The following SSMEM1 variants were observed in gnomAD, a reference collection of about 807,000 sequenced individuals.
SSMEM1 encodes serine-rich single-pass membrane protein 1.
In SSMEM1, 12 loss-of-function variants were observed where a neutral mutation model predicts 9.9. The ratio of observed to expected loss-of-function variants is 1.21; its 90% CI spans 0.78 to 1.96. The LOEUF is 1.96. Ranked by LOEUF, SSMEM1 falls within the 30% of genes most tolerant of loss-of-function variation. SSMEM1 has a pLI of 0.00. For synonymous variants in SSMEM1, 96 were observed against 98.9 expected (o/e 0.97, Z 0.17); for missense variants, 259 against 292.2 (o/e 0.89, Z 0.83).
upstream of SSMEM1, among the ~76,000 whole-genome samples, chr7:130,206,149 C>CTTTG (rs1205432146): frequency 1.3e-5 from 2 of 152,202 alleles, no homozygotes; most frequent in Non-Finnish European, 2.9e-5. Context: ...AAAGGTTGAG[C>CTTTG]TTTGTTTTAT....
At chr7:130,208,156 A>C in intron 1 of SSMEM1, 63 bp downstream of exon 1, 1 of 1,447,048 alleles carries the variant, frequency 6.9e-7, no homozygotes, top group Non-Finnish European at 9.3e-7. Context: ...ATTTCCATAA[A>C]ATACATTTAC....
At position 130,216,594 on chromosome 7, in the gene SSMEM1, T is replaced by C; in HGVS notation, c.*124T>C. ...GTCTCTCTACCAACAAACAAAAACA[T>C]ACTTGGAACCCAAGAGGTAAAATCT... On this transcript the variant is annotated 3_prime_UTR_variant, in exon 3 of 3. Transcript: ENST00000297819. The C allele has an allele frequency of 8.2e-7, 1 of 1,216,586 alleles. No homozygotes were observed. The highest frequency in any genetic ancestry group is 1.1e-6 in the Non-Finnish European group (1 of 878,850). 75.4% of individuals were successfully genotyped at this position (1,216,586 alleles called of 1,614,324 possible). A position where few individuals can be genotyped will look rare whatever the true frequency, so the allele number is the denominator to read the frequency against.
chr7:130,214,934 A>G (rs1030325893), intron 2 of SSMEM1, among the ~76,000 whole-genome samples: 1 of 152,270 alleles, frequency 6.6e-6, no homozygotes, highest in African/African-American at 2.4e-5. Context: ...TACTTCCACC[A>G]AAGCTGATTT....
At chr7:130,207,206 C>T (rs1277532997), upstream of SSMEM1, among the ~76,000 whole-genome samples, 1 of 152,160 alleles carries the variant, frequency 6.6e-6, no homozygotes, top group Non-Finnish European at 1.5e-5. Context: ...GCTGCCATAA[C>T]GCAATATCAC....
chr7:130,211,000 T>G (rs1798580558), intron 1 of SSMEM1, among the ~76,000 whole-genome samples: 1 of 152,224 alleles, frequency 6.6e-6, no homozygotes. Context: ...TATGTAGAAA[T>G]AACCAACTAC....
At chr7:130,213,699 A>C (rs1230152171) in intron 2 of SSMEM1, among the ~76,000 whole-genome samples, 165 bp downstream of exon 2, 35 of 147,958 alleles carry the variant, frequency 2.4e-4, no homozygotes, top group African/African-American at 8.6e-4. Flanking sequence ...TACCAAAAAA[A>C]AAAAAAAAAA....
At chr7:130,212,755 AC>A (rs1211161036) in intron 1 of SSMEM1, among the ~76,000 whole-genome samples, 6 of 151,800 alleles carry the variant, frequency 4.0e-5, no homozygotes, top group East Asian at 3.9e-4. Flanking sequence ...AAACAAAAAA[AC>A]AAAACAAAAA....
At chr7:130,212,468 G>T (rs371754418) in intron 1 of SSMEM1, among the ~76,000 whole-genome samples, 1 of 152,082 alleles carries the variant, frequency 6.6e-6, no homozygotes, top group Non-Finnish European at 1.5e-5. Context: ...GCTTACATCC[G>T]TAATCCCAGC....
intron 1 of SSMEM1, among the ~76,000 whole-genome samples, chr7:130,208,790 GC>G (rs1486022798): frequency 6.6e-6 from 1 of 152,112 alleles, no homozygotes; most frequent in African/African-American, 2.4e-5. Context: ...CCACTAAAAT[GC>G]CATCGTCTTA....
chr7:130,208,943 A>G (rs955080938), intron 1 of SSMEM1, among the ~76,000 whole-genome samples: 2 of 151,554 alleles, frequency 1.3e-5, no homozygotes, highest in Non-Finnish European at 2.9e-5. Flanking sequence ...GCTCACTACA[A>G]CCTCCGCCTC....
upstream of SSMEM1, among the ~76,000 whole-genome samples, chr7:130,205,985 C>A (rs1798452220): frequency 6.6e-6 from 1 of 152,192 alleles, no homozygotes; most frequent in Non-Finnish European, 1.5e-5. Context: ...GCGTGGCCCA[C>A]CGCGCCCGGC....
intron 2 of SSMEM1, among the ~76,000 whole-genome samples, 176 bp downstream of exon 2, chr7:130,213,710 A>AAAAAAAAG (rs1562906803): frequency 9.9e-4 from 118 of 119,178 alleles, no homozygotes; most frequent in East Asian, 3.2e-3. Context: ...AAAAAAAAAA[A>AAAAAAAAG]AAAAGAAAAG....
chr7:130,205,950 C>G (rs1398446869), upstream of SSMEM1, among the ~76,000 whole-genome samples: 1 of 152,154 alleles, frequency 6.6e-6, no homozygotes. Flanking sequence ...GCCTGCTGGC[C>G]TCCCACCGCC....
At chr7:130,212,978 A>G (rs1798620704) in intron 1 of SSMEM1, among the ~76,000 whole-genome samples, 1 of 152,200 alleles carries the variant, frequency 6.6e-6, no homozygotes, top group African/African-American at 2.4e-5. Flanking sequence ...GGATCACTAT[A>G]ACAGGAACTC....
chr7:130,215,582 G>A (rs1305873915), intron 2 of SSMEM1, among the ~76,000 whole-genome samples: 3 of 152,156 alleles, frequency 2.0e-5, no homozygotes, highest in Admixed American at 6.6e-5. Context: ...ACACCACTAC[G>A]TAAAGGAAAG....
upstream of SSMEM1, chr7:130,205,502 A>T (rs1171558715): frequency 1.3e-6 from 2 of 1,489,648 alleles, no homozygotes; most frequent in African/African-American, 1.4e-5. Context: ...TCTTCTCGCG[A>T]GAAAGGGAGG....
At chr7:130,213,218 G>C (rs1798626260) in intron 1 of SSMEM1, among the ~76,000 whole-genome samples, 1 of 151,762 alleles carries the variant, frequency 6.6e-6, no homozygotes, top group African/African-American at 2.4e-5. Context: ...CGTGGTAGCG[G>C]GCACCTGTAA....
chr7:130,214,785 G>A (rs1798671784), intron 2 of SSMEM1, among the ~76,000 whole-genome samples: 2 of 152,306 alleles, frequency 1.3e-5, no homozygotes. Flanking sequence ...ACAATGTAGT[G>A]GCTACAGGGA....
At chr7:130,206,214 T>A (rs1317603769), upstream of SSMEM1, among the ~76,000 whole-genome samples, 1 of 152,100 alleles carries the variant, frequency 6.6e-6, no homozygotes, top group Admixed American at 6.5e-5. Flanking sequence ...ATATAGAAAA[T>A]AAGACCTTCC....
Sources: gnomAD v4.1 joint callset for allele counts (sites outside exome capture counted in the v4.1 genomes callset) on GRCh38, gnomAD v4.1.1 for gene constraint, MANE v1.5 for transcripts, NCBI Gene and HGNC (gene_info 2026-07-23, HGNC 2026-07-21) for gene names.